Variants in PHACTR3 observed in about 807,000 individuals in gnomAD.
PHACTR3 encodes protein phosphatase 1, regulatory subunit 123.
In PHACTR3, 16 loss-of-function variants were observed where a neutral mutation model predicts 66.8. The observed-to-expected ratio is 0.24, with a 90% CI of 0.16 to 0.36. The LOEUF (loss-of-function observed/expected upper bound fraction) is 0.36, where lower values mean the gene tolerates loss of function less well. Among genes scored for constraint, PHACTR3 ranks in the 10% least tolerant of loss-of-function variants. The pLI is 1.00. For missense variants in PHACTR3, 647 were observed against 719.9 expected, an observed-to-expected ratio of 0.90 and a Z score of 1.16; for synonymous variants, 323 against 292.1, an observed-to-expected ratio of 1.11 and a Z score of -1.08.
intron 1 of PHACTR3, among the ~76,000 whole-genome samples, chr20:59,724,367 A>G (rs1403842617): frequency 6.6e-6 from 1 of 152,190 alleles, no homozygotes; most frequent in Non-Finnish European, 1.5e-5. Flanking sequence ...GGGAACTGTG[A>G]TCAAAGAACT....
intron 1 of PHACTR3, among the ~76,000 whole-genome samples, chr20:59,686,632 G>GTGATGATGGTGGTGA (rs1472154822): frequency 1.3e-5 from 2 of 149,698 alleles, no homozygotes; most frequent in African/African-American, 4.9e-5. Context: ...TGTGATGATT[G>GTGATGATGGTGGTGA]TGATGATGGT....
intron 1 of PHACTR3, among the ~76,000 whole-genome samples, chr20:59,735,821 C>T (rs1194224063): frequency 1.3e-5 from 2 of 152,016 alleles, no homozygotes; most frequent in Non-Finnish European, 1.5e-5. Context: ...ATAGTGAATC[C>T]CAGGGCACAA....
rs572926170 is a variant in PHACTR3 at position 59,705,219 on chromosome 20, A to G, written c.119-37888A>G. Among the ~76,000 whole-genome samples the G allele has an allele frequency of 5.9e-5, 9 of 152,268 alleles. No homozygotes were observed. In the South Asian group the frequency reaches 1.0e-3, roughly 18 times the overall value. On this transcript the variant is annotated intron_variant, in intron 1 of 12. Transcript: ENST00000371015. ...GTGATCCGCCCGCCTCAGCCTCCCA[A>G]AGTGCTGGAATTACAGGCATGAGCC... is the stretch of plus-strand genomic sequence containing the variant.
At chr20:59,746,274 A>G (rs1043678873) in intron 2 of PHACTR3, among the ~76,000 whole-genome samples, 30 of 152,322 alleles carry the variant, frequency 2.0e-4, no homozygotes, top group African/African-American at 7.0e-4. Context: ...TCCCCAGACA[A>G]CTGCCCCCCA....
chr20:59,846,849 T>G (rs2059159867), intron 12 of PHACTR3, among the ~76,000 whole-genome samples: 2 of 152,208 alleles, frequency 1.3e-5, no homozygotes, highest in African/African-American at 4.8e-5. Flanking sequence ...CTGGCCTTTC[T>G]GTGTACTTCA....
chr20:59,773,156 A>T, intron 5 of PHACTR3, 123 bp from the exon 6 acceptor site: 1 of 1,115,872 alleles, frequency 9.0e-7, no homozygotes, highest in Non-Finnish European at 1.3e-6. Context: ...TCTTGGCATT[A>T]GTTGGGGCCC....
chr20:59,774,769 A>C (rs1042738760), intron 7 of PHACTR3, among the ~76,000 whole-genome samples: 2 of 152,062 alleles, frequency 1.3e-5, no homozygotes, highest in African/African-American at 4.8e-5. Flanking sequence ...AAAAAAAAAA[A>C]CAACATAAAA....
rs571953267 is a variant in PHACTR3, at chr20:59,772,034, T to C, written c.752-1245T>C. Among the ~76,000 whole-genome samples the C allele has an allele frequency of 1.2e-3, 180 of 152,326 alleles. 1 individual carries two copies. Among genetic ancestry groups the C allele is most frequent in the African/African-American group, 4.1e-3 (169 of 41,580 alleles). ...TCTGGGCCTGTGCCAGCTGCTAGGC[T>C]CCTGAAAAGGAGCTGATGGTCTCAT... On this transcript the variant is annotated intron_variant, in intron 5 of 12. Coordinates refer to ENST00000371015, the MANE Select transcript of PHACTR3 (RefSeq NM_080672.5).
chr20:59,770,511 A>G (rs555133032), intron 5 of PHACTR3, among the ~76,000 whole-genome samples: 5 of 152,304 alleles, frequency 3.3e-5, no homozygotes, highest in South Asian at 4.1e-4. Flanking sequence ...GTCTTAGTTC[A>G]TCTGAGTGAC....
intron 4 of PHACTR3, 36 bp downstream of exon 4, chr20:59,755,400 C>T: frequency 6.2e-7 from 1 of 1,601,594 alleles, no homozygotes. Flanking sequence ...TGAGCTGCTC[C>T]TAGAATGGCC....
chr20:59,688,255 T>C (rs1264975035), intron 1 of PHACTR3, among the ~76,000 whole-genome samples: 1 of 152,130 alleles, frequency 6.6e-6, no homozygotes, highest in Admixed American at 6.5e-5. Context: ...ACAAAAATCA[T>C]GAAAGTGGTA....
At chr20:59,639,503 TC>T (rs1405436262) in intron 1 of PHACTR3, among the ~76,000 whole-genome samples, 1 of 152,112 alleles carries the variant, frequency 6.6e-6, no homozygotes, top group East Asian at 1.9e-4. Context: ...TCTCATCTTC[TC>T]CCCACGTTCC....
chr20:59,806,221 G>A (rs753127146), intron 8 of PHACTR3, 27 bp downstream of exon 8: 12 of 1,609,240 alleles, frequency 7.5e-6, no homozygotes, highest in East Asian at 2.2e-5. Context: ...GGGCACAGCC[G>A]GGCCTGTGCT....
chr20:59,643,768 T>C (rs569237815), intron 1 of PHACTR3, among the ~76,000 whole-genome samples: 25 of 152,268 alleles, frequency 1.6e-4, no homozygotes, highest in Admixed American at 5.9e-4. Flanking sequence ...CGGGTGCTGG[T>C]GACGCAGTCC....
intron 1 of PHACTR3, among the ~76,000 whole-genome samples, chr20:59,706,371 G>A (rs897530480): frequency 1.3e-5 from 2 of 152,214 alleles, no homozygotes; most frequent in South Asian, 2.1e-4. Flanking sequence ...ACTGCAGCAC[G>A]TTTCAGCTGT....
chr20:59,582,840 G>A (rs2032901532), intron 1 of PHACTR3, among the ~76,000 whole-genome samples: 2 of 152,282 alleles, frequency 1.3e-5, no homozygotes, highest in African/African-American at 2.4e-5. Flanking sequence ...GCAAATATTC[G>A]TGTCCTGTCT....
intron 3 of PHACTR3, among the ~76,000 whole-genome samples, chr20:59,749,525 C>T (rs1447098259): frequency 1.3e-5 from 2 of 152,310 alleles, no homozygotes; most frequent in Admixed American, 6.5e-5. Flanking sequence ...ACCCTGCTGC[C>T]GTGGGAGCCT....
rs142809151 is a variant in PHACTR3 at position 59,618,180 on chromosome 20, G to A, written c.118+13048G>A. Among the ~76,000 whole-genome samples the A allele has an allele frequency of 1.2e-3, 183 of 152,344 alleles. 1 individual carries two copies. Among genetic ancestry groups the A allele is most frequent in the African/African-American group, 4.3e-3 (180 of 41,588 alleles). On this transcript the variant is annotated intron_variant, in intron 1 of 12. Coordinates refer to ENST00000371015, the MANE Select transcript of PHACTR3 (RefSeq NM_080672.5). Reference sequence around the variant, plus strand: ...AAGGCCAGGTGGTGGGGGCAGCTTCGGCTGGAGCCAGAGGCAAGAGAGAAG... The same window carrying A: ...AAGGCCAGGTGGTGGGGGCAGCTTCAGCTGGAGCCAGAGGCAAGAGAGAAG...
At chr20:59,727,749 T>C (rs911297859) in intron 1 of PHACTR3, among the ~76,000 whole-genome samples, 1 of 152,190 alleles carries the variant, frequency 6.6e-6, no homozygotes, top group Non-Finnish European at 1.5e-5. Flanking sequence ...GTTGACATGA[T>C]GCTCAAAGAA....
Sources: allele counts gnomAD v4.1 joint callset (sites outside exome capture counted in the v4.1 genomes callset), GRCh38; gene constraint gnomAD v4.1.1; transcripts MANE v1.5; gene names NCBI Gene and HGNC (gene_info 2026-07-23, HGNC 2026-07-21).